Variants in ZBBX observed in about 807,000 individuals in gnomAD.
The protein encoded by ZBBX is zinc finger B-box domain containing, also known as zinc finger B-box domain-containing protein 1.
A neutral mutation model predicts 108.5 loss-of-function variants in ZBBX; 101 were observed. That is an observed-to-expected ratio of 0.93 (90% CI 0.79 to 1.10). The LOEUF (loss-of-function observed/expected upper bound fraction) is 1.10, where lower values mean the gene tolerates loss of function less well. ZBBX is among the 50% of genes least tolerant of loss of function. ZBBX has a pLI of 0.00. For missense variants in ZBBX, 1,009 were observed against 941.4 expected, an observed-to-expected ratio of 1.07 and a Z score of -0.94; for synonymous variants, 356 against 323.4, an observed-to-expected ratio of 1.10 and a Z score of -1.08.
chr3:167,320,065 G>A (rs1250012779), intron 12 of ZBBX, among the ~76,000 whole-genome samples: 1 of 151,592 alleles, frequency 6.6e-6, no homozygotes, highest in Non-Finnish European at 1.5e-5. Context: ...CCTCTGAGAA[G>A]GCCTAGAATT....
intron 2 of ZBBX, among the ~76,000 whole-genome samples, chr3:167,376,502 A>G (rs1746979110): frequency 6.6e-6 from 1 of 152,188 alleles, no homozygotes; most frequent in Non-Finnish European, 1.5e-5. Flanking sequence ...AAAATAATCT[A>G]AATAATCTAA....
chr3:167,333,727 A>T, intron 10 of ZBBX, 100 bp downstream of exon 10: 1 of 1,055,990 alleles, frequency 9.5e-7, no homozygotes, highest in Non-Finnish European at 1.3e-6. Context: ...AAATGTGATG[A>T]AATTATTGGT....
chr3:167,188,835 G>A, the ZBBX span, among the ~76,000 whole-genome samples: 2 of 152,188 alleles, frequency 1.3e-5, no homozygotes, highest in Non-Finnish European at 2.9e-5. Context: ...GGTAAAGGGT[G>A]TAGGTTTCTT....
chr3:167,213,839 T>C, the ZBBX span, among the ~76,000 whole-genome samples: 1 of 152,058 alleles, frequency 6.6e-6, no homozygotes, highest in African/African-American at 2.4e-5. Flanking sequence ...ACCTCTCAGC[T>C]GAAACCTTAT....
chr3:167,367,195 C>T (rs541263474), intron 5 of ZBBX, among the ~76,000 whole-genome samples: 3 of 151,958 alleles, frequency 2.0e-5, no homozygotes, highest in East Asian at 1.9e-4. Flanking sequence ...AACATGCACT[C>T]TCATACACTG....
the ZBBX span, among the ~76,000 whole-genome samples, chr3:167,229,208 C>A: frequency 6.6e-6 from 1 of 151,810 alleles, no homozygotes; most frequent in African/African-American, 2.4e-5. Flanking sequence ...ATTTCTGCTA[C>A]GTAAGTTTTG....
At chr3:167,288,262 T>G (rs1253046919) in intron 19 of ZBBX, among the ~76,000 whole-genome samples, 1 of 152,206 alleles carries the variant, frequency 6.6e-6, no homozygotes, top group Middle Eastern at 3.2e-3. Context: ...TTATATGCTC[T>G]GTATACACTC....
At chr3:167,260,531 A>G (rs571518406) in intron 20 of ZBBX, among the ~76,000 whole-genome samples, 1 of 152,112 alleles carries the variant, frequency 6.6e-6, no homozygotes, top group South Asian at 2.1e-4. Context: ...ATATTTTCTT[A>G]TTCTTTTTGC....
intron 20 of ZBBX, among the ~76,000 whole-genome samples, chr3:167,244,889 A>G (rs1171436072): frequency 6.6e-6 from 1 of 152,230 alleles, no homozygotes; most frequent in Non-Finnish European, 1.5e-5. Flanking sequence ...AAAAAAATAG[A>G]TAAAATATAG....
At chr3:167,330,977 T>TCTCTC (rs1553820893) in intron 10 of ZBBX, among the ~76,000 whole-genome samples, 3 of 20,230 alleles carry the variant, frequency 1.5e-4, no homozygotes, top group African/African-American at 1.5e-4. Context: ...CCCACTCCCC[T>TCTCTC]TCTGTATGCA....
chr3:167,283,631 G>A (rs1729197392), intron 19 of ZBBX, among the ~76,000 whole-genome samples: 1 of 152,086 alleles, frequency 6.6e-6, no homozygotes, highest in African/African-American at 2.4e-5. Flanking sequence ...AATGACTATT[G>A]AGTTGTTTTT....
chr3:167,327,359 A>G (rs983541698), intron 11 of ZBBX, among the ~76,000 whole-genome samples: 1 of 152,130 alleles, frequency 6.6e-6, no homozygotes. Context: ...AATTTCTACT[A>G]GAAGAAGAAC....
chr3:167,309,576 AC>A (rs1429210810), intron 16 of ZBBX, among the ~76,000 whole-genome samples: 1 of 152,134 alleles, frequency 6.6e-6, no homozygotes, highest in Non-Finnish European at 1.5e-5. Flanking sequence ...TGGGGCTTGC[AC>A]CCTCTGAATC....
chr3:167,252,137 AT>A (rs1722732020), intron 20 of ZBBX: 2 of 1,288,404 alleles, frequency 1.6e-6, no homozygotes, highest in Non-Finnish European at 1.0e-6. Flanking sequence ...TAATGTAGTT[AT>A]TTTCTGTCTT....
intron 9 of ZBBX, among the ~76,000 whole-genome samples, chr3:167,334,640 A>C (rs7630037): frequency 0.35 from 53,418 of 152,014 alleles, 10,050 homozygotes; most frequent in Non-Finnish European, 0.43. Context: ...CCTTGGTCAC[A>C]GTGCTGAGTG....
intron 17 of ZBBX, among the ~76,000 whole-genome samples, chr3:167,303,181 T>C (rs781220807): frequency 7.2e-5 from 11 of 152,194 alleles, no homozygotes; most frequent in Non-Finnish European, 1.6e-4. Context: ...TAATTGGATT[T>C]TCTATGGTCC....
At chr3:167,275,338 G>A (rs1014991843) in intron 20 of ZBBX, among the ~76,000 whole-genome samples, 229 of 152,164 alleles carry the variant, frequency 1.5e-3, no homozygotes, top group Non-Finnish European at 2.5e-3. Context: ...CGCAGAAGAC[G>A]GGTGATTTCT....
chr3:167,249,254 C>T lies in ZBBX; in HGVS notation c.2255-6611G>A, dbSNP rs554700770. 3.9e-5 allele frequency among the ~76,000 whole-genome samples: 6 copies of T among 152,314 alleles called. No homozygotes were observed. The South Asian group carries it at 8.3e-4, about 21-fold the overall frequency. ...TGGAACTTTTCTATAGACGTGAGGA[C>T]AGATGGCCTGAGGCCCCATAAGTGT... On this transcript the variant is annotated intron_variant, in intron 20 of 21. Transcript: ENST00000675490.
intron 18 of ZBBX, among the ~76,000 whole-genome samples, chr3:167,290,973 C>T (rs1488384230): frequency 6.6e-6 from 1 of 151,936 alleles, no homozygotes; most frequent in East Asian, 1.9e-4. Context: ...TAAAGATCAA[C>T]TCAATGAAAT....
Sources: allele counts gnomAD v4.1 joint callset (sites outside exome capture counted in the v4.1 genomes callset), GRCh38; gene constraint gnomAD v4.1.1; transcripts MANE v1.5; gene names NCBI Gene and HGNC (gene_info 2026-07-23, HGNC 2026-07-21).